Variants in DOCK2 observed in about 807,000 individuals in gnomAD.
DOCK2 encodes dedicator of cytokinesis 2, also known as dedicator of cytokinesis protein 2.
A neutral mutation model predicts 248.9 loss-of-function variants in DOCK2; 87 were observed. The observed-to-expected ratio is 0.35, with a 90% CI of 0.29 to 0.42. DOCK2 has a LOEUF of 0.42. Ranked by LOEUF, DOCK2 falls within the 10% of genes least tolerant of loss-of-function variation. The pLI is 1.00. For synonymous variants in DOCK2, 805 were observed against 821.6 expected, an observed-to-expected ratio of 0.98 and a Z score of 0.35; for missense variants, 1,747 against 2,300.2, an observed-to-expected ratio of 0.76 and a Z score of 4.92.
Position 169,718,749 on chromosome 5 carries a change from A to C in DOCK2, c.2225A>C (p.Tyr742Ser). 1 of 1,613,918 alleles carries C rather than the reference A, an allele frequency of 6.2e-7. No homozygotes were observed. Among genetic ancestry groups the C allele is most frequent in the Non-Finnish European group, 8.5e-7 (1 of 1,179,832 alleles). The change falls in exon 22 of 52, where the codon TAT becomes TCT. Residue 742 changes from tyrosine (Y) to serine (S), a missense_variant. This residue lies in a region of DOCK2 where 858 missense variants were observed against 1,183.5 expected (regional missense o/e 0.72). Coordinates refer to ENST00000520908, the MANE Select transcript of DOCK2 (RefSeq NM_004946.3). ...PILRTLKALE[Y>S]VFKFIVRSRT... is the part of the protein sequence containing the mutation. ...CTAAGAACGCTGAAGGCTTTGGAAT[A>C]TGTGTTCAAGTTCATTGTTCGGTCG...
intron 27 of DOCK2, among the ~76,000 whole-genome samples, chr5:169,859,822 A>G (rs886508523): frequency 6.6e-6 from 1 of 152,144 alleles, no homozygotes; most frequent in Non-Finnish European, 1.5e-5. Context: ...TTTTACCTCT[A>G]GGATATTTGA....
At chr5:170,010,201 C>T (rs1321769975) in intron 32 of DOCK2, among the ~76,000 whole-genome samples, 1 of 152,142 alleles carries the variant, frequency 6.6e-6, no homozygotes, top group Admixed American at 6.5e-5. Context: ...CCAGTAGCAC[C>T]CTCCCTAGTT....
At chr5:169,799,400 G>A (rs532973408) in intron 25 of DOCK2, among the ~76,000 whole-genome samples, 2 of 152,098 alleles carry the variant, frequency 1.3e-5, no homozygotes, top group African/African-American at 2.4e-5. Context: ...GAAGTTATTC[G>A]TATCCCAATG....
intron 26 of DOCK2, among the ~76,000 whole-genome samples, chr5:169,829,117 A>G (rs1473783471): frequency 6.6e-6 from 1 of 152,108 alleles, no homozygotes; most frequent in East Asian, 1.9e-4. Context: ...AAAAGGGAGG[A>G]AAGTCATGTG....
chr5:169,881,601 A>G (rs1772658692), intron 27 of DOCK2, among the ~76,000 whole-genome samples: 1 of 152,230 alleles, frequency 6.6e-6, no homozygotes, highest in Non-Finnish European at 1.5e-5. Context: ...TCACGACAAT[A>G]GGAGCTCACA....
chr5:169,877,914 A>G (rs1247843344), intron 27 of DOCK2, among the ~76,000 whole-genome samples: 1 of 152,110 alleles, frequency 6.6e-6, no homozygotes, highest in Non-Finnish European at 1.5e-5. Flanking sequence ...CTGTCTTTCC[A>G]ATTCCTGAAC....
At chr5:169,726,212 G>C (rs1194118634) in intron 22 of DOCK2, among the ~76,000 whole-genome samples, 1 of 152,166 alleles carries the variant, frequency 6.6e-6, no homozygotes, top group Non-Finnish European at 1.5e-5. Flanking sequence ...ACTGGTGTGA[G>C]ATGGTATCTC....
At chr5:169,770,160 T>G (rs1463137597) in intron 25 of DOCK2, among the ~76,000 whole-genome samples, 1 of 152,192 alleles carries the variant, frequency 6.6e-6, no homozygotes, top group African/African-American at 2.4e-5. Context: ...AAATGTTCTA[T>G]TCATTATTTT....
chr5:169,693,627 C>T (rs1435270307), intron 9 of DOCK2, among the ~76,000 whole-genome samples: 2 of 152,038 alleles, frequency 1.3e-5, no homozygotes, highest in Admixed American at 1.3e-4. Flanking sequence ...ATTCAAATGC[C>T]TGCAGAAGAA....
intron 39 of DOCK2, among the ~76,000 whole-genome samples, chr5:170,046,324 C>A (rs372068850): frequency 6.6e-6 from 1 of 152,324 alleles, no homozygotes; most frequent in South Asian, 2.1e-4. Context: ...TTAGCATCTC[C>A]ATGCTCAGGA....
intron 45 of DOCK2, among the ~76,000 whole-genome samples, chr5:170,068,156 G>C (rs1374255100): frequency 1.3e-5 from 2 of 152,186 alleles, no homozygotes; most frequent in Non-Finnish European, 2.9e-5. Context: ...CTATAATCTA[G>C]ATATCAAGGT....
intron 34 of DOCK2, among the ~76,000 whole-genome samples, chr5:170,030,785 C>G (rs1373111850): frequency 6.6e-6 from 1 of 152,252 alleles, no homozygotes; most frequent in South Asian, 2.1e-4. Flanking sequence ...CTAGTCATCT[C>G]AGTTCCTCCA....
At chr5:169,641,124 T>C (rs1757125452) in intron 1 of DOCK2, among the ~76,000 whole-genome samples, 1 of 152,232 alleles carries the variant, frequency 6.6e-6, no homozygotes, top group South Asian at 2.1e-4. Flanking sequence ...TCCGCATTTC[T>C]CCTTTTAAAA....
intron 27 of DOCK2, among the ~76,000 whole-genome samples, chr5:169,970,443 A>G (rs1777462126): frequency 6.6e-6 from 1 of 152,238 alleles, no homozygotes; most frequent in Non-Finnish European, 1.5e-5. Flanking sequence ...CTTTGTTTGT[A>G]GGAAACTTGG....
chr5:170,034,160 C>A (rs1285495431), intron 34 of DOCK2, among the ~76,000 whole-genome samples: 1 of 152,144 alleles, frequency 6.6e-6, no homozygotes, highest in Non-Finnish European at 1.5e-5. Context: ...AAGTGACCAT[C>A]TCCCCCACCA....
chr5:169,639,120 T>G (rs1735216652), intron 1 of DOCK2, among the ~76,000 whole-genome samples: 1 of 152,180 alleles, frequency 6.6e-6, no homozygotes, highest in African/African-American at 2.4e-5. Flanking sequence ...TTTTGAGCAG[T>G]GTCATCTGGA....
At chr5:169,770,624 C>T (rs1189664349) in intron 25 of DOCK2, among the ~76,000 whole-genome samples, 1 of 152,116 alleles carries the variant, frequency 6.6e-6, no homozygotes, top group African/African-American at 2.4e-5. Flanking sequence ...TTAATCATTC[C>T]ACTGCTTTCC....
intron 6 of DOCK2, among the ~76,000 whole-genome samples, chr5:169,678,202 T>G (rs1196181631): frequency 6.6e-6 from 1 of 150,972 alleles, no homozygotes; most frequent in East Asian, 1.9e-4. Context: ...AAGGGTATAC[T>G]TAAGACTAAG....
intron 2 of DOCK2, among the ~76,000 whole-genome samples, chr5:169,658,525 A>G (rs973094085): frequency 2.0e-5 from 3 of 150,990 alleles, no homozygotes; most frequent in South Asian, 4.2e-4. Context: ...TATCTTCACC[A>G]TATGCTCATT....
Sources: allele counts gnomAD v4.1 joint callset (sites outside exome capture counted in the v4.1 genomes callset), GRCh38; gene constraint gnomAD v4.1.1; regional missense constraint gnomAD v4.1.1; transcripts MANE v1.5; gene names NCBI Gene and HGNC (gene_info 2026-07-23, HGNC 2026-07-21).